AGBL4: variants seen among roughly 807,000 people sequenced by gnomAD.
AGBL4 encodes AGBL carboxypeptidase 4.
AGBL4 carries 58 observed loss-of-function variants against 66.4 expected under a neutral mutation model. The ratio of observed to expected loss-of-function variants is 0.87; its 90% confidence interval spans 0.71 to 1.09. AGBL4 has a LOEUF of 1.09. AGBL4 is among the 50% of genes least tolerant of loss of function. The pLI is 0.00. For synonymous variants in AGBL4, 234 were observed against 222.9 expected (o/e 1.05, Z -0.44); for missense variants, 579 against 631.0 (o/e 0.92, Z 0.88).
intron 4 of AGBL4, among the ~76,000 whole-genome samples, chr1:49,169,330 G>A (rs753615349): frequency 2.6e-5 from 4 of 152,214 alleles, no homozygotes; most frequent in Non-Finnish European, 4.4e-5. Context: ...GATCCCTCCT[G>A]ATCTGTATAA....
At chr1:49,657,514 G>T (rs565260184) in intron 3 of AGBL4, among the ~76,000 whole-genome samples, 1 of 151,722 alleles carries the variant, frequency 6.6e-6, no homozygotes, top group South Asian at 2.1e-4. Context: ...CTGCTTTAAA[G>T]TTCATAGGGA....
Position 49,990,531 on chromosome 1 carries a change from C to T in AGBL4, c.34+33232G>A, listed in dbSNP as rs1238909388. On this transcript the variant is annotated intron_variant, in intron 1 of 13. Transcript: ENST00000371839. ...AGGCAAAACTGTGAGTCAATCAAGC[C>T]TCTTTCCTTTGTAAATTCCCCAGTC... 3.3e-5 allele frequency among the ~76,000 whole-genome samples: 5 copies of T among 152,244 alleles called. No homozygotes were observed. In the South Asian group the frequency reaches 8.3e-4, roughly 25 times the overall value.
At chr1:49,348,976 A>T (rs953964214) in intron 3 of AGBL4, among the ~76,000 whole-genome samples, 5 of 152,222 alleles carry the variant, frequency 3.3e-5, no homozygotes, top group African/African-American at 1.2e-4. Context: ...CTAGCTAAAA[A>T]ATAATATTTA....
At chr1:49,512,829 C>A (rs1289939798) in intron 3 of AGBL4, among the ~76,000 whole-genome samples, 2 of 151,736 alleles carry the variant, frequency 1.3e-5, no homozygotes, top group Admixed American at 1.3e-4. Context: ...ACAATCTCAC[C>A]CTAGATCACA....
At chr1:48,569,711 G>T (rs936465362) in intron 11 of AGBL4, among the ~76,000 whole-genome samples, 3 of 152,170 alleles carry the variant, frequency 2.0e-5, no homozygotes, top group Non-Finnish European at 4.4e-5. Context: ...GGAGGAGGCC[G>T]ACAGACCTGG....
At chr1:48,709,618 T>TTATTATTATTATTA (rs1646933906) in intron 6 of AGBL4, among the ~76,000 whole-genome samples, 1 of 21,546 alleles carries the variant, frequency 4.6e-5, no homozygotes, top group African/African-American at 7.6e-5. Context: ...TATTATTATT[T>TTATTATTATTATTA]TGAGATGGAA....
At chr1:49,413,555 A>C (rs891121101) in intron 3 of AGBL4, among the ~76,000 whole-genome samples, 5 of 152,190 alleles carry the variant, frequency 3.3e-5, no homozygotes, top group African/African-American at 1.2e-4. Context: ...AAAGAATAAA[A>C]AGTTCAGGTG....
At chr1:49,600,322 T>G (rs1205695274) in intron 3 of AGBL4, among the ~76,000 whole-genome samples, 1 of 152,196 alleles carries the variant, frequency 6.6e-6, no homozygotes, top group African/African-American at 2.4e-5. Flanking sequence ...ATATTTAGGA[T>G]AGTTAGCTCT....
At chr1:49,508,778 A>AATGAGGTATAT (rs1211210645) in intron 3 of AGBL4, among the ~76,000 whole-genome samples, 2 of 151,944 alleles carry the variant, frequency 1.3e-5, no homozygotes, top group African/African-American at 4.8e-5. Flanking sequence ...CATTAAGAAA[A>AATGAGGTATAT]ATGAGGTATA....
intron 1 of AGBL4, among the ~76,000 whole-genome samples, chr1:49,956,723 C>T (rs1656638420): frequency 6.6e-6 from 1 of 151,722 alleles, no homozygotes; most frequent in South Asian, 2.1e-4. Context: ...TCATGGAGCC[C>T]CAGAGTTTGG....
At chr1:49,445,920 C>T (rs577925409) in intron 3 of AGBL4, among the ~76,000 whole-genome samples, 36 of 152,158 alleles carry the variant, frequency 2.4e-4, no homozygotes, top group Non-Finnish European at 4.7e-4. Flanking sequence ...GGTGCAATCT[C>T]GGCTCACTGC....
chr1:48,976,304 A>G (rs925455777), intron 5 of AGBL4, among the ~76,000 whole-genome samples: 3 of 152,168 alleles, frequency 2.0e-5, no homozygotes, highest in African/African-American at 7.2e-5. Context: ...CAAAGAGGCC[A>G]TGGCAGCAAG....
chr1:49,271,526 A>G lies in AGBL4; in HGVS notation c.283-25662T>C, dbSNP rs1013949721. On this transcript the variant is annotated intron_variant, in intron 3 of 13. Coordinates refer to ENST00000371839, the MANE Select transcript of AGBL4 (RefSeq NM_032785.4). ...CTCAATTAAAAGATAGCACACACAC[A>G]CACACACACACACACACACACACAC... Among the ~76,000 whole-genome samples, 48 of 149,594 alleles carry G rather than the reference A, an allele frequency of 3.2e-4. 1 individual carries two copies. In the South Asian group the frequency reaches 9.8e-3, roughly 31 times the overall value.
intron 5 of AGBL4, among the ~76,000 whole-genome samples, chr1:49,004,784 C>T (rs1435734883): frequency 2.0e-5 from 3 of 152,156 alleles, no homozygotes; most frequent in Non-Finnish European, 2.9e-5. Context: ...AGTAGAAATT[C>T]TTAGACAACT....
chr1:49,510,549 T>C (rs1404020920), intron 3 of AGBL4, among the ~76,000 whole-genome samples: 1 of 151,136 alleles, frequency 6.6e-6, no homozygotes, highest in Non-Finnish European at 1.5e-5. Context: ...TTCACTCTGA[T>C]GGTAGTTTCT....
intron 2 of AGBL4, among the ~76,000 whole-genome samples, chr1:49,747,037 A>G (rs771144214): frequency 9.2e-5 from 14 of 152,184 alleles, no homozygotes; most frequent in Non-Finnish European, 1.6e-4. Flanking sequence ...ACAAATGTAG[A>G]AAACAGGTCA....
chr1:49,328,006 A>G (rs1645259147), intron 3 of AGBL4, among the ~76,000 whole-genome samples: 1 of 152,208 alleles, frequency 6.6e-6, no homozygotes, highest in African/African-American at 2.4e-5. Context: ...GGAGACAAAT[A>G]TTCCCTAGCA....
chr1:49,550,363 T>C (rs1361105634), intron 3 of AGBL4, among the ~76,000 whole-genome samples: 4 of 152,206 alleles, frequency 2.6e-5, no homozygotes, highest in Non-Finnish European at 5.9e-5. Flanking sequence ...TTTTTGTTTT[T>C]GCTTTTTAAC....
intron 2 of AGBL4, among the ~76,000 whole-genome samples, chr1:49,758,471 A>T (rs987019698): frequency 2.6e-5 from 4 of 152,172 alleles, no homozygotes; most frequent in African/African-American, 9.6e-5. Context: ...CAGGCACTCA[A>T]TGCCAGCCTA....
Sources: allele counts gnomAD v4.1 joint callset (sites outside exome capture counted in the v4.1 genomes callset), GRCh38; gene constraint gnomAD v4.1.1; transcripts MANE v1.5; gene names NCBI Gene and HGNC (gene_info 2026-07-23, HGNC 2026-07-21).